Variants in GRIK2 observed in about 807,000 individuals in gnomAD.
The protein encoded by GRIK2 is glutamate ionotropic receptor kainate type subunit 2.
GRIK2 carries 32 observed loss-of-function variants against 100.3 expected under a neutral mutation model. That is an observed-to-expected ratio of 0.32 (90% CI 0.24 to 0.43). The LOEUF (loss-of-function observed/expected upper bound fraction) is 0.43. GRIK2 is among the 20% of genes least tolerant of loss of function. GRIK2 has a pLI of 1.00. For missense variants in GRIK2, 843 were observed against 1,114.9 expected (o/e 0.76, Z 3.47); for synonymous variants, 417 against 389.4 (o/e 1.07, Z -0.83).
Position 101,909,378 on chromosome 6 carries a change from T to TTTGTTTG in GRIK2, c.1749-15221_1749-15220insGTTTGTT, listed in dbSNP as rs1554284521. Among the ~76,000 whole-genome samples the TTTGTTTG allele has an allele frequency of 6.1e-3, 733 of 120,394 alleles. 18 individuals are homozygous for TTTGTTTG. Among genetic ancestry groups the TTTGTTTG allele is most frequent in the East Asian group, 0.024 (100 of 4,144 alleles). 79.0% of individuals were successfully genotyped at this position (120,394 alleles called of 152,430 possible). A position where few individuals can be genotyped will look rare whatever the true frequency, so the allele number is the denominator to read the frequency against. ...ATGCTGAAGGAAGATAGGGTTTTCT[T>TTTGTTTG]TTTCTTTTTTTTTTTTTTAAAGATC... On this transcript the variant is annotated intron_variant, in intron 12 of 16. Coordinates refer to ENST00000369134, the MANE Select transcript of GRIK2 (RefSeq NM_021956.5).
intron 2 of GRIK2, among the ~76,000 whole-genome samples, chr6:101,562,282 C>A (rs1777057498): frequency 6.6e-6 from 1 of 151,944 alleles, no homozygotes; most frequent in Non-Finnish European, 1.5e-5. Flanking sequence ...GGCTTATTCT[C>A]CAGGATGACA....
At chr6:101,693,916 G>A (rs910329332) in intron 7 of GRIK2, among the ~76,000 whole-genome samples, 4 of 152,036 alleles carry the variant, frequency 2.6e-5, no homozygotes, top group Non-Finnish European at 5.9e-5. Flanking sequence ...CAGCTATATG[G>A]TTTTACGTGG....
chr6:101,407,729 G>A (rs974447604), intron 2 of GRIK2, among the ~76,000 whole-genome samples: 2 of 152,080 alleles, frequency 1.3e-5, no homozygotes, highest in South Asian at 2.1e-4. Flanking sequence ...TATGTGGCAG[G>A]CATTTGGAAA....
intron 10 of GRIK2, among the ~76,000 whole-genome samples, chr6:101,857,306 C>T (rs1015766454): frequency 1.3e-5 from 2 of 152,114 alleles, no homozygotes; most frequent in African/African-American, 4.8e-5. Context: ...GGTGAAGATA[C>T]GAAACAACGT....
At chr6:101,843,392 T>C (rs1783627331) in intron 10 of GRIK2, among the ~76,000 whole-genome samples, 1 of 152,212 alleles carries the variant, frequency 6.6e-6, no homozygotes, top group Admixed American at 6.5e-5. Flanking sequence ...CTATTTATAC[T>C]TTCCATCATC....
chr6:101,516,848 ATATATGTTCAG>A (rs1390821434), intron 2 of GRIK2, among the ~76,000 whole-genome samples: 1 of 152,110 alleles, frequency 6.6e-6, no homozygotes, highest in East Asian at 1.9e-4. Context: ...CTTAATATAT[ATATATGTTCAG>A]TGATAACACA....
chr6:101,415,535 T>C (rs1163848501), intron 2 of GRIK2, among the ~76,000 whole-genome samples: 6 of 152,010 alleles, frequency 3.9e-5, no homozygotes, highest in African/African-American at 1.4e-4. Context: ...CACACCCGGC[T>C]AATTTTTTGT....
rs1487324699 is a variant in GRIK2 at position 101,399,079 on chromosome 6, G to T, written c.-199G>T. The T allele has an allele frequency of 1.9e-6, 1 of 525,328 alleles. No individual in the cohort carries two copies. Among genetic ancestry groups the T allele is most frequent in the Non-Finnish European group, 3.4e-6 (1 of 295,372 alleles). The allele number at this position is 525,328 out of a possible 1,614,324, so 32.5% of individuals were successfully genotyped here. ...GTCCCACCATTCCTTGCAGTGGAAG[G>T]TTGTTCCTTGGCGCAGTGAGTGAAG... On this transcript the variant is annotated 5_prime_UTR_variant, in exon 2 of 17. Transcript: ENST00000369134.
chr6:101,468,801 GA>G (rs1266977819), intron 2 of GRIK2, among the ~76,000 whole-genome samples: 2 of 152,066 alleles, frequency 1.3e-5, no homozygotes, highest in Non-Finnish European at 2.9e-5. Context: ...AATCAAGAGA[GA>G]AAACTTCAAT....
At chr6:101,879,706 C>T (rs1420401114) in intron 11 of GRIK2, among the ~76,000 whole-genome samples, 1 of 151,502 alleles carries the variant, frequency 6.6e-6, no homozygotes, top group Non-Finnish European at 1.5e-5. Context: ...CATCCAACCC[C>T]TGAGTTGGGC....
intron 14 of GRIK2, among the ~76,000 whole-genome samples, chr6:101,955,588 C>G (rs1260974773): frequency 6.8e-5 from 5 of 73,450 alleles, no homozygotes; most frequent in Admixed American, 1.4e-4. Context: ...CTCTCTCTCT[C>G]TCTCTCTCTC....
At chr6:101,603,481 A>G (rs866310884) in intron 2 of GRIK2, among the ~76,000 whole-genome samples, 3 of 151,648 alleles carry the variant, frequency 2.0e-5, no homozygotes, top group Admixed American at 6.6e-5. Flanking sequence ...AGAGTTACCT[A>G]ATTTTAAGAA....
At chr6:101,789,029 T>C (rs1350194195) in intron 7 of GRIK2, among the ~76,000 whole-genome samples, 4 of 152,218 alleles carry the variant, frequency 2.6e-5, no homozygotes, top group African/African-American at 9.6e-5. Context: ...TGTGTGTTCA[T>C]ATCCTTCGCC....
At chr6:101,655,986 A>G (rs2786244) in intron 4 of GRIK2, among the ~76,000 whole-genome samples, 10,196 of 152,084 alleles carry the variant, frequency 0.067, 487 homozygotes, top group East Asian at 0.26. Context: ...GGAAAGTGGT[A>G]AAGATTTGAA....
At chr6:102,018,814 T>A (rs1769266684) in intron 14 of GRIK2, among the ~76,000 whole-genome samples, 1 of 152,118 alleles carries the variant, frequency 6.6e-6, no homozygotes, top group Non-Finnish European at 1.5e-5. Flanking sequence ...CTGGAAGCAG[T>A]ATTTTTAAAA....
intron 2 of GRIK2, among the ~76,000 whole-genome samples, chr6:101,598,368 T>C (rs1450117308): frequency 6.6e-6 from 1 of 151,662 alleles, no homozygotes; most frequent in Non-Finnish European, 1.5e-5. Flanking sequence ...TAAAGATGCA[T>C]ACTCCAGACT....
intron 2 of GRIK2, among the ~76,000 whole-genome samples, chr6:101,606,177 A>G (rs79075965): frequency 2.0e-5 from 3 of 151,984 alleles, no homozygotes; most frequent in Non-Finnish European, 4.4e-5. Flanking sequence ...ACATGACTCA[A>G]ACTGGGCTGA....
At chr6:101,938,990 T>C (rs1389632171) in intron 14 of GRIK2, among the ~76,000 whole-genome samples, 2 of 152,058 alleles carry the variant, frequency 1.3e-5, no homozygotes, top group Non-Finnish European at 2.9e-5. Flanking sequence ...ATTTATTAAG[T>C]ATTGTAATTA....
intron 4 of GRIK2, among the ~76,000 whole-genome samples, chr6:101,631,224 T>C (rs953749299): frequency 4.6e-5 from 7 of 152,150 alleles, no homozygotes; most frequent in Non-Finnish European, 8.8e-5. Flanking sequence ...TTGGAACATA[T>C]GATTCATTTT....
Sources: allele counts gnomAD v4.1 joint callset (sites outside exome capture counted in the v4.1 genomes callset), GRCh38; gene constraint gnomAD v4.1.1; transcripts MANE v1.5; gene names NCBI Gene and HGNC (gene_info 2026-07-23, HGNC 2026-07-21).